The following RBFOX1 variants were observed in gnomAD, a reference collection of about 807,000 sequenced individuals.
RBFOX1 encodes the protein RNA binding fox-1 homolog 1.
A neutral mutation model predicts 57.7 loss-of-function variants in RBFOX1; 8 were observed. That is an observed-to-expected ratio of 0.14 (90% CI 0.08 to 0.25). The LOEUF is 0.25. RBFOX1 is among the 10% of genes least tolerant of loss of function. RBFOX1 has a pLI of 1.00. For missense variants in RBFOX1, 611 were observed against 548.5 expected (o/e 1.11, Z -1.14); for synonymous variants, 326 against 222.4 (o/e 1.47, Z -4.15).
chr16:6,659,249 CACAG>C (rs545843150), intron 3 of RBFOX1, among the ~76,000 whole-genome samples: 3,023 of 61,862 alleles, frequency 0.049, 97 homozygotes, highest in African/African-American at 0.14. Context: ...ATTTTATAAA[CACAG>C]ACAGGGCTTC....
intron 2 of RBFOX1, among the ~76,000 whole-genome samples, chr16:6,559,930 T>C (rs2097157542): frequency 6.6e-6 from 1 of 152,128 alleles, no homozygotes; most frequent in African/African-American, 2.4e-5. Context: ...TGAACTCATA[T>C]TGCAGGAAGA....
At chr16:6,389,247 G>A (rs1039171536) in intron 2 of RBFOX1, among the ~76,000 whole-genome samples, 14 of 152,134 alleles carry the variant, frequency 9.2e-5, no homozygotes, top group African/African-American at 3.4e-4. Context: ...GGCACAAGTT[G>A]GGAAAGGAGA....
chr16:7,294,586 G>C (rs1417740411), intron 4 of RBFOX1, among the ~76,000 whole-genome samples: 1 of 152,034 alleles, frequency 6.6e-6, no homozygotes, highest in African/African-American at 2.4e-5. Flanking sequence ...GCAAGCTGTG[G>C]ATAGGGTGGG....
At chr16:7,698,327 C>A (rs945145734) in intron 14 of RBFOX1, among the ~76,000 whole-genome samples, 1 of 151,962 alleles carries the variant, frequency 6.6e-6, no homozygotes, top group African/African-American at 2.4e-5. Flanking sequence ...GTTTTCATCT[C>A]AGTTCCTGAT....
chr16:7,524,989 T>G lies in RBFOX1; in HGVS notation c.270+6600T>G, dbSNP rs1471532432. Among the ~76,000 whole-genome samples, 4 of 152,284 alleles carry G rather than the reference T, an allele frequency of 2.6e-5. No homozygotes were observed. In the East Asian group the frequency reaches 7.7e-4, roughly 29 times the overall value. ...TTGGAAAAGGATATAAAATGAAAAC[T>G]AACATGTCCTAATACCCACAACCCA... On this transcript the variant is annotated intron_variant, in intron 5 of 15. Coordinates refer to ENST00000550418, the MANE Select transcript of RBFOX1 (RefSeq NM_018723.4).
At position 7,091,833 on chromosome 16, in the gene RBFOX1, T is replaced by C. The variant is rs562403613; in HGVS notation, c.27+39735T>C. Reference sequence around the variant, plus strand: ...TAACTGAGTATAGAGATGGCCTGATTTGTAGATTCTATGTGGATCAGAGAT... The same window carrying C: ...TAACTGAGTATAGAGATGGCCTGATCTGTAGATTCTATGTGGATCAGAGAT... On this transcript the variant is annotated intron_variant, in intron 4 of 15. Transcript: ENST00000550418. Among the ~76,000 whole-genome samples, 7 of 152,220 alleles carry C rather than the reference T, an allele frequency of 4.6e-5. 1 individual carries two copies. The highest frequency in any genetic ancestry group is 2.0e-4 in the Admixed American group (3 of 15,290).
At chr16:7,406,376 C>T (rs1042889436) in intron 4 of RBFOX1, among the ~76,000 whole-genome samples, 5 of 152,120 alleles carry the variant, frequency 3.3e-5, no homozygotes, top group Non-Finnish European at 5.9e-5. Flanking sequence ...AGAGCTCTTG[C>T]TTTCCTTGTT....
intron 4 of RBFOX1, among the ~76,000 whole-genome samples, chr16:7,275,149 G>T (rs923241975): frequency 7.9e-5 from 12 of 152,096 alleles, no homozygotes; most frequent in African/African-American, 2.7e-4. Flanking sequence ...TAGAGGGAGG[G>T]AAAGAGAGAA....
In RBFOX1 at chr16:5,687,786, G is replaced by A. The variant is rs140623789; in HGVS notation, c.318+88825G>A. Among the ~76,000 whole-genome samples, 1,279 of 152,224 alleles carry A rather than the reference G, an allele frequency of 8.4e-3. 25 individuals are homozygous for A. Among genetic ancestry groups the A allele is most frequent in the African/African-American group, 0.029 (1,189 of 41,530 alleles). On this transcript the variant is annotated intron_variant, in intron 3 of 19. Coordinates refer to the RBFOX1 transcript ENST00000641259. ...AATCTCCACTAATGGCTCTGCTGTC[G>A]GAGTCTGAAGTACCGGGTATGTATG...
intron 3 of RBFOX1, among the ~76,000 whole-genome samples, chr16:5,844,039 C>G (rs1406804751): frequency 1.3e-5 from 2 of 152,180 alleles, no homozygotes; most frequent in Non-Finnish European, 2.9e-5. Context: ...TTGGAAGAAG[C>G]AATATGGAAC....
intron 5 of RBFOX1, among the ~76,000 whole-genome samples, chr16:7,553,504 A>G (rs2087258701): frequency 6.6e-6 from 1 of 152,254 alleles, no homozygotes. Flanking sequence ...ACAATTAAAA[A>G]TGAGTGTCAG....
At chr16:7,314,346 G>C (rs754860686) in intron 4 of RBFOX1, among the ~76,000 whole-genome samples, 6 of 152,162 alleles carry the variant, frequency 3.9e-5, no homozygotes, top group Admixed American at 1.3e-4. Flanking sequence ...ATTTCAGGGA[G>C]TGGGGTCCTG....
At chr16:7,165,973 C>CATAA (rs1276124309) in intron 4 of RBFOX1, among the ~76,000 whole-genome samples, 1 of 141,924 alleles carries the variant, frequency 7.0e-6, no homozygotes, top group Admixed American at 7.0e-5. Context: ...CACATACATA[C>CATAA]ATACACCCCA....
At chr16:5,440,608 A>G (rs760786771) in intron 1 of RBFOX1, among the ~76,000 whole-genome samples, 6 of 152,140 alleles carry the variant, frequency 3.9e-5, no homozygotes, top group Non-Finnish European at 5.9e-5. Context: ...TATCCCTGTG[A>G]TGCTCTGGAG....
chr16:5,709,825 ATATATATATATATATATATTTTTTT>A (rs2051396537), intron 3 of RBFOX1, among the ~76,000 whole-genome samples: 2 of 13,076 alleles, frequency 1.5e-4, no homozygotes, highest in African/African-American at 2.8e-4. Flanking sequence ...ATATATATAT[ATATATATATATATATATATTTTTTT>A]TTTTTTTTTT....
intron 3 of RBFOX1, among the ~76,000 whole-genome samples, chr16:5,682,345 C>T (rs1029529569): frequency 2.6e-5 from 4 of 152,086 alleles, no homozygotes; most frequent in African/African-American, 7.2e-5. Flanking sequence ...AGCTGTGAAA[C>T]CTAGTATTTA....
intron 3 of RBFOX1, among the ~76,000 whole-genome samples, chr16:6,828,302 G>A (rs1199923938): frequency 6.6e-6 from 1 of 151,944 alleles, no homozygotes; most frequent in African/African-American, 2.4e-5. Context: ...GATGTGGGTG[G>A]GTCACAAGGT....
chr16:5,681,936 C>T (rs749148045), intron 3 of RBFOX1, among the ~76,000 whole-genome samples: 6 of 152,018 alleles, frequency 3.9e-5, no homozygotes, highest in Admixed American at 6.5e-5. Context: ...CCATTGTAAG[C>T]AGTCTGACTA....
At chr16:7,427,385 C>A (rs193059488) in intron 4 of RBFOX1, among the ~76,000 whole-genome samples, 232 of 152,192 alleles carry the variant, frequency 1.5e-3, no homozygotes, top group African/African-American at 5.2e-3. Context: ...TCTGAGAACC[C>A]CCAAGTTTGA....
Sources: allele counts gnomAD v4.1 joint callset (sites outside exome capture counted in the v4.1 genomes callset), GRCh38; gene constraint gnomAD v4.1.1; transcripts MANE v1.5; gene names NCBI Gene and HGNC (gene_info 2026-07-23, HGNC 2026-07-21).